The following CNTN4 variants were observed in gnomAD, a reference collection of about 807,000 sequenced individuals.
The protein encoded by CNTN4 is contactin-4.
A neutral mutation model predicts 122.5 loss-of-function variants in CNTN4; 77 were observed. The observed-to-expected ratio is 0.63, with a 90% CI of 0.52 to 0.76. The LOEUF (loss-of-function observed/expected upper bound fraction) is 0.76. Among genes scored for constraint, CNTN4 ranks in the 30% least tolerant of loss-of-function variants. The pLI, the probability that CNTN4 is intolerant of heterozygous loss-of-function variation, is 0.00. For synonymous variants in CNTN4, 512 were observed against 447.0 expected (o/e 1.15, Z -1.83); for missense variants, 1,256 against 1,259.1 (o/e 1.00, Z 0.04).
intron 3 of CNTN4, among the ~76,000 whole-genome samples, chr3:2,497,232 T>A (rs956956600): frequency 6.6e-6 from 1 of 152,190 alleles, no homozygotes; most frequent in Non-Finnish European, 1.5e-5. Context: ...TTTTAAGTGA[T>A]GTCATCATTT....
chr3:2,710,053 G>A (rs2675293), intron 4 of CNTN4, among the ~76,000 whole-genome samples: 77,852 of 152,086 alleles, frequency 0.51, 22,234 homozygotes, highest in African/African-American at 0.77. Context: ...TGATTAAAAA[G>A]TAAATTATTA....
rs928212505 is a variant in CNTN4 at position 2,984,790 on chromosome 3, T to C, written c.1359-3555T>C. On this transcript the variant is annotated intron_variant, in intron 13 of 24. Transcript: ENST00000418658. Reference sequence around the variant, plus strand: ...ATCTCACCCCTCAGAATGTTTAATATGCTCCAAGCCAGTGTTACCTCATGA... The same window carrying C: ...ATCTCACCCCTCAGAATGTTTAATACGCTCCAAGCCAGTGTTACCTCATGA... Among the ~76,000 whole-genome samples the C allele has an allele frequency of 5.0e-4, 76 of 152,228 alleles. 2 individuals carry two copies. The highest frequency in any genetic ancestry group is 1.6e-4 in the Non-Finnish European group (11 of 68,030).
At chr3:2,368,301 G>A (rs1230124017) in intron 3 of CNTN4, among the ~76,000 whole-genome samples, 1 of 151,948 alleles carries the variant, frequency 6.6e-6, no homozygotes, top group African/African-American at 2.4e-5. Context: ...CAAAGTGCTG[G>A]GATTACAGGC....
At chr3:2,446,638 C>G (rs886238342) in intron 3 of CNTN4, among the ~76,000 whole-genome samples, 3 of 152,188 alleles carry the variant, frequency 2.0e-5, no homozygotes, top group Non-Finnish European at 4.4e-5. Context: ...GCTTGTCTCT[C>G]TAAGTGTAAA....
intron 7 of CNTN4, among the ~76,000 whole-genome samples, chr3:2,828,686 A>G (rs2093038343): frequency 1.3e-5 from 2 of 152,200 alleles, no homozygotes; most frequent in Admixed American, 1.3e-4. Flanking sequence ...TGATAGGTTA[A>G]TCAACATCAT....
At chr3:3,022,873 A>G (rs931726809) in intron 14 of CNTN4, among the ~76,000 whole-genome samples, 6 of 152,150 alleles carry the variant, frequency 3.9e-5, no homozygotes, top group African/African-American at 1.4e-4. Flanking sequence ...GGTCCTATTT[A>G]TTGTTGCTAT....
At chr3:2,291,084 G>A (rs938713103) in intron 2 of CNTN4, among the ~76,000 whole-genome samples, 5 of 152,062 alleles carry the variant, frequency 3.3e-5, no homozygotes, top group African/African-American at 1.2e-4. Flanking sequence ...AACTGCATCT[G>A]TCCATGGCCA....
Position 2,902,826 on chromosome 3 carries a change from G to A in CNTN4, c.1078-50G>A, listed in dbSNP as rs377565030. On this transcript the variant is annotated intron_variant, in intron 11 of 24. Coordinates refer to ENST00000418658, the MANE Select transcript of CNTN4 (RefSeq NM_175607.3). ...TTACACATGGTAAAATTGCCTTAAA[G>A]TCTCAGTTGTAGAAGGTCATTGTTT... 8.3e-4 allele frequency: 1,312 copies of A among 1,590,128 alleles called. 1 individual carries two copies. Among genetic ancestry groups the A allele is most frequent in the Admixed American group, 1.0e-3 (58 of 57,616 alleles).
At chr3:3,051,302 C>G (rs186688542) in intron 23 of CNTN4, among the ~76,000 whole-genome samples, 138 of 152,312 alleles carry the variant, frequency 9.1e-4, no homozygotes, top group African/African-American at 3.1e-3. Context: ...GCAAGCACAG[C>G]CTTCAATCAG....
In CNTN4 at chr3:2,368,193, A is replaced by G. The variant is rs564025557; in HGVS notation, c.-89+28960A>G. ...GACTACAGGGCCCGCCACCACGCCC[A>G]GCTAATTTTTTTGTATTTTTAATAG... On this transcript the variant is annotated intron_variant, in intron 3 of 24. Transcript: ENST00000418658. Among the ~76,000 whole-genome samples, 160 of 72,338 alleles carry G rather than the reference A, an allele frequency of 2.2e-3. 1 individual carries two copies. Among genetic ancestry groups the G allele is most frequent in the African/African-American group, 5.2e-3 (109 of 21,036 alleles). The allele number at this position is 72,338 out of a possible 152,430, so 47.5% of individuals were successfully genotyped here. A position where few individuals can be genotyped will look rare whatever the true frequency, so the allele number is the denominator to read the frequency against.
chr3:2,517,232 C>A (rs373412467), intron 3 of CNTN4, among the ~76,000 whole-genome samples: 1 of 152,058 alleles, frequency 6.6e-6, no homozygotes, highest in Non-Finnish European at 1.5e-5. Flanking sequence ...ATTGTGACAC[C>A]GTAGTCAGTC....
chr3:2,475,830 G>A (rs2075820584), intron 3 of CNTN4, among the ~76,000 whole-genome samples: 1 of 152,136 alleles, frequency 6.6e-6, no homozygotes, highest in South Asian at 2.1e-4. Flanking sequence ...TTCAAACATA[G>A]GCAGTCTAGT....
intron 2 of CNTN4, among the ~76,000 whole-genome samples, chr3:2,175,237 C>G (rs1352497173): frequency 1.3e-5 from 2 of 151,980 alleles, no homozygotes; most frequent in African/African-American, 2.4e-5. Context: ...TCCTAAACCT[C>G]TGCCGATAGC....
chr3:2,652,664 A>G (rs1013693344), intron 4 of CNTN4, among the ~76,000 whole-genome samples: 5 of 152,152 alleles, frequency 3.3e-5, no homozygotes, highest in African/African-American at 9.7e-5. Flanking sequence ...GACTTGTCCA[A>G]TGAGATGAGA....
intron 8 of CNTN4, among the ~76,000 whole-genome samples, chr3:2,871,641 A>G (rs1053257460): frequency 2.1e-4 from 32 of 152,184 alleles, no homozygotes; most frequent in Non-Finnish European, 7.4e-5. Flanking sequence ...AAACAAGGGA[A>G]CTGAAGATCA....
intron 3 of CNTN4, among the ~76,000 whole-genome samples, chr3:2,451,188 C>A (rs776529457): frequency 1.8e-4 from 27 of 152,172 alleles, no homozygotes; most frequent in Non-Finnish European, 3.1e-4. Flanking sequence ...GACCTTGAAA[C>A]TAGGTATATT....
chr3:2,998,668 A>C (rs952396136), intron 14 of CNTN4, among the ~76,000 whole-genome samples: 1 of 152,160 alleles, frequency 6.6e-6, no homozygotes, highest in African/African-American at 2.4e-5. Context: ...AGTCAAGGTA[A>C]TCCCAGGAAA....
intron 2 of CNTN4, among the ~76,000 whole-genome samples, chr3:2,122,301 G>C (rs1460778958): frequency 6.6e-6 from 1 of 151,758 alleles, no homozygotes; most frequent in Non-Finnish European, 1.5e-5. Context: ...ACTATTATTT[G>C]TTTATCATTT....
intron 3 of CNTN4, among the ~76,000 whole-genome samples, chr3:2,433,974 A>G (rs2048171011): frequency 6.6e-6 from 1 of 152,154 alleles, no homozygotes; most frequent in Admixed American, 6.6e-5. Flanking sequence ...ATAGAAGTAG[A>G]GAGTGATGGT....
Sources: allele counts gnomAD v4.1 joint callset (sites outside exome capture counted in the v4.1 genomes callset), GRCh38; gene constraint gnomAD v4.1.1; transcripts MANE v1.5; gene names NCBI Gene and HGNC (gene_info 2026-07-23, HGNC 2026-07-21).